TNRC6B: variants seen among roughly 807,000 people sequenced by gnomAD.
TNRC6B encodes the protein trinucleotide repeat-containing gene 6B protein.
Under a neutral mutation model 203.6 loss-of-function variants are expected in TNRC6B, and 52 were observed. The observed-to-expected ratio is 0.26, with a 90% CI of 0.20 to 0.32. The LOEUF is 0.32. Among genes scored for constraint, TNRC6B ranks in the 10% least tolerant of loss-of-function variants. The pLI is 1.00. For synonymous variants in TNRC6B, 838 were observed against 845.7 expected (o/e 0.99, Z 0.16); for missense variants, 1,923 against 2,286.2 (o/e 0.84, Z 3.24).
Position 40,096,556 on chromosome 22 carries a change from A to G in TNRC6B, c.-120-20499A>G, listed in dbSNP as rs146775964. Among the ~76,000 whole-genome samples, 92 of 152,326 alleles carry G rather than the reference A, an allele frequency of 6.0e-4. 1 individual carries two copies. In the South Asian group the frequency reaches 7.5e-3, roughly 12 times the overall value. On this transcript the variant is annotated intron_variant, in intron 1 of 23. Transcript: ENST00000301923. ...GATGTTGTCCAGCTACTCAGTGTGC[A>G]TCATCCATTATGCCCCAGCCAAGGA...
intron 3 of TNRC6B, among the ~76,000 whole-genome samples, chr22:40,131,992 A>G (rs911507758): frequency 1.3e-5 from 2 of 152,206 alleles, no homozygotes; most frequent in Non-Finnish European, 2.9e-5. Context: ...ATTGAATCAA[A>G]TTAACAGAGT....
At chr22:40,092,256 A>G (rs1320466321) in intron 1 of TNRC6B, among the ~76,000 whole-genome samples, 1 of 152,018 alleles carries the variant, frequency 6.6e-6, no homozygotes, top group African/African-American at 2.4e-5. Context: ...TACAAAAATT[A>G]GCTGGTCATG....
At chr22:40,305,030 G>C (rs1477801672) in intron 15 of TNRC6B, among the ~76,000 whole-genome samples, 1 of 152,194 alleles carries the variant, frequency 6.6e-6, no homozygotes, top group African/African-American at 2.4e-5. Context: ...AACAGAGAGA[G>C]TGAAGGCAGG....
intron 1 of TNRC6B, among the ~76,000 whole-genome samples, chr22:40,058,296 A>G (rs1449282048): frequency 6.6e-6 from 1 of 152,264 alleles, no homozygotes; most frequent in Non-Finnish European, 1.5e-5. Context: ...GAGAAGAAGA[A>G]TGAATGAAGA....
chr22:40,064,455 G>A (rs1478584249), intron 1 of TNRC6B, among the ~76,000 whole-genome samples: 25 of 151,742 alleles, frequency 1.6e-4, no homozygotes, highest in Non-Finnish European at 2.9e-5. Context: ...TATTAAGAAA[G>A]GGTATTGAAT....
chr22:40,237,971 G>T (rs1236636978), intron 1 of TNRC6B, among the ~76,000 whole-genome samples: 1 of 151,964 alleles, frequency 6.6e-6, no homozygotes, highest in East Asian at 1.9e-4. Context: ...TGTGTCACAG[G>T]TCAGTGCGTG....
At chr22:40,321,329 C>T (rs768653822) in intron 22 of TNRC6B, 100 bp downstream of exon 22, 174 of 1,378,250 alleles carry the variant, frequency 1.3e-4, no homozygotes, top group Non-Finnish European at 1.6e-4. Context: ...AGAACATATA[C>T]GAAGAATGGC....
intron 4 of TNRC6B, among the ~76,000 whole-genome samples, chr22:40,164,889 C>T (rs1231673662): frequency 6.7e-6 from 1 of 149,226 alleles, no homozygotes; most frequent in African/African-American, 2.5e-5. Context: ...TCAAGCTGTT[C>T]TCCTGCCTCA....
At chr22:40,177,017 G>C (rs1262151782), upstream of TNRC6B, among the ~76,000 whole-genome samples, 7 of 152,208 alleles carry the variant, frequency 4.6e-5, no homozygotes, top group Admixed American at 4.6e-4. Context: ...TTACTTACTT[G>C]CTGTTAGCAG....
At position 40,087,612 on chromosome 22, in the gene TNRC6B, C is replaced by A. The variant is rs144257374; in HGVS notation, c.-120-29443C>A. On this transcript the variant is annotated intron_variant, in intron 1 of 23. Coordinates refer to the TNRC6B transcript ENST00000301923. Reference sequence around the variant, plus strand: ...GGCTTAGTCTGAGAGGACAGAAAGGCCTTTCTGACAAAGTAACATTTAAGC... The same window carrying A: ...GGCTTAGTCTGAGAGGACAGAAAGGACTTTCTGACAAAGTAACATTTAAGC... Among the ~76,000 whole-genome samples the A allele has an allele frequency of 2.7e-3, 413 of 152,120 alleles. 2 individuals carry two copies. Among genetic ancestry groups the A allele is most frequent in the African/African-American group, 9.6e-3 (397 of 41,484 alleles).
chr22:40,150,593 C>T (rs2068742522), intron 3 of TNRC6B, among the ~76,000 whole-genome samples: 1 of 152,110 alleles, frequency 6.6e-6, no homozygotes, highest in Non-Finnish European at 1.5e-5. Flanking sequence ...AGACCACTAC[C>T]CTTGCCCACC....
chr22:40,269,454 G>A (rs2070529429), intron 5 of TNRC6B, among the ~76,000 whole-genome samples: 1 of 151,946 alleles, frequency 6.6e-6, no homozygotes, highest in East Asian at 1.9e-4. Flanking sequence ...CTTCTTTTAT[G>A]GGTGACCCAC....
chr22:40,107,064 G>A (rs188295474), intron 1 of TNRC6B: 15 of 796,778 alleles, frequency 1.9e-5, no homozygotes, highest in South Asian at 4.6e-5. Context: ...TACACCCTCC[G>A]TGGTTCCAGC....
In TNRC6B at chr22:40,332,888, G is replaced by C. The variant is rs182483931; in HGVS notation, c.*9647G>C. On this transcript the variant is annotated 3_prime_UTR_variant, in exon 23 of 23. Coordinates refer to ENST00000454349, the MANE Select transcript of TNRC6B (RefSeq NM_001162501.2). ...ACCCTAAAATATGTTTTCTTCTTTT[G>C]TATTTTTTTGGTTTTTGTTTTTAAG... The C allele has an allele frequency of 6.6e-6, 1 of 152,468 alleles. No homozygotes were observed. Among genetic ancestry groups the C allele is most frequent in the Non-Finnish European group, 1.5e-5 (1 of 67,986 alleles). 9.4% of individuals were successfully genotyped at this position (152,468 alleles called of 1,614,324 possible). A position where few individuals can be genotyped will look rare whatever the true frequency, so the allele number is the denominator to read the frequency against.
At chr22:40,302,755 G>A (rs1405437164) in intron 15 of TNRC6B, among the ~76,000 whole-genome samples, 1 of 152,160 alleles carries the variant, frequency 6.6e-6, no homozygotes, top group East Asian at 1.9e-4. Flanking sequence ...TACTGCACGT[G>A]CAGGGGGTGA....
intron 21 of TNRC6B, among the ~76,000 whole-genome samples, chr22:40,319,422 C>CTTTTTT (rs374148213): frequency 4.0e-4 from 45 of 112,690 alleles, no homozygotes; most frequent in Non-Finnish European, 5.5e-4. Context: ...CTTTTCTTTT[C>CTTTTTT]TTTTTTTTTT....
intron 1 of TNRC6B, among the ~76,000 whole-genome samples, chr22:40,219,660 A>T (rs941415122): frequency 6.6e-6 from 1 of 151,900 alleles, no homozygotes; most frequent in African/African-American, 2.4e-5. Flanking sequence ...GCTGTTCCCC[A>T]TGTCTTGGGT....
intron 1 of TNRC6B, among the ~76,000 whole-genome samples, chr22:40,100,383 C>T (rs1218020224): frequency 7.0e-6 from 1 of 142,506 alleles, no homozygotes; most frequent in African/African-American, 2.4e-5. Context: ...ACCACTGCGC[C>T]TGGCCTATTT....
intron 4 of TNRC6B, among the ~76,000 whole-genome samples, chr22:40,171,737 A>G (rs1250133357): frequency 6.6e-6 from 1 of 152,206 alleles, no homozygotes; most frequent in Non-Finnish European, 1.5e-5. Context: ...TGTGGACTGA[A>G]GAACTTAGTA....
Sources: allele counts gnomAD v4.1 joint callset (sites outside exome capture counted in the v4.1 genomes callset), GRCh38; gene constraint gnomAD v4.1.1; transcripts MANE v1.5; gene names NCBI Gene and HGNC (gene_info 2026-07-23, HGNC 2026-07-21).